The following RP1L1 variants were observed in gnomAD, a reference collection of about 807,000 sequenced individuals.
RP1L1 encodes retinitis pigmentosa 1-like 1 protein.
A neutral mutation model predicts 15.7 loss-of-function variants in RP1L1; 27 were observed. The observed-to-expected ratio is 1.72, with a 90% CI of 1.27 to 2.38. The LOEUF (loss-of-function observed/expected upper bound fraction) is 2.38, where lower values mean the gene tolerates loss of function less well. Among genes scored for constraint, RP1L1 ranks in the 30% most tolerant of loss-of-function variants. The pLI, the probability that RP1L1 is intolerant of heterozygous loss-of-function variation, is 0.00. For missense variants in RP1L1, 4,798 were observed against 3,075.9 expected, an observed-to-expected ratio of 1.56 and a Z score of -13.24; for synonymous variants, 1,813 against 1,276.7, an observed-to-expected ratio of 1.42 and a Z score of -8.96.
At chr8:10,616,930 G>T (rs2117214069) in intron 2 of RP1L1, among the ~76,000 whole-genome samples, 1 of 152,286 alleles carries the variant, frequency 6.6e-6, no homozygotes, top group Non-Finnish European at 1.5e-5. Flanking sequence ...TGTATTCCCT[G>T]AAGCAGCTGG....
At chr8:10,616,654 G>T (rs765550801) in intron 2 of RP1L1, 67 bp from the exon 3 acceptor site, 193 of 1,525,600 alleles carry the variant, frequency 1.3e-4, no homozygotes, top group Non-Finnish European at 1.6e-4. Context: ...GAGGCCTGGG[G>T]GAGGAAGGAT....
rs370486258 is a variant in RP1L1 at position 10,613,251 on chromosome 8, G to A, written c.847C>T (p.Pro283Ser). The change falls in exon 4 of 4, where the codon CCC (proline) becomes TCC (serine). Residue 283 changes from proline to serine, a missense_variant. Pro to Ser is a moderately conservative substitution (Grantham distance 74). Transcript: ENST00000382483. The stretch of plus-strand genomic sequence containing the variant: ...CTGCCAGGAGCAGGGCCCACCGGGG[G>A]GTTGCTAGGACCAGGCCTTTCTGGC... Reference protein sequence around the residue: ...RLPERPGPSNPPVGPAPGRHP... With the variant: ...RLPERPGPSNSPVGPAPGRHP... 2.5e-6 allele frequency: 4 copies of A among 1,611,566 alleles called. No homozygotes were observed. The South Asian group carries it at 3.3e-5, about 13-fold the overall frequency.
rs746788572 is a variant in RP1L1 at position 10,622,898 on chromosome 8, A to G, written c.304T>C (p.Tyr102His). 14 of 1,613,796 alleles carry G rather than the reference A, an allele frequency of 8.7e-6. No homozygotes were observed. Among genetic ancestry groups the G allele is most frequent in the Admixed American group, 1.7e-5 (1 of 60,000 alleles). The change falls in exon 2 of 4, where the codon TAC (tyrosine) becomes CAC (histidine). Residue 102 changes from tyrosine to histidine, a missense_variant. Transcript: ENST00000382483. ...ALEQLEDGGC[Y>H]LCSDKKPPKT... Reference sequence around the variant, plus strand: ...GGGGGCTTCTTATCAGAGCAGAGGTAGCAGCCTCCATCTTCCAGCTGCTCC... The same window carrying G: ...GGGGGCTTCTTATCAGAGCAGAGGTGGCAGCCTCCATCTTCCAGCTGCTCC...
rs574470413 is a variant in RP1L1, at chr8:10,610,801, G to A, written c.3297C>T (p.Ser1099=). Residue 1099 remains serine (S), a synonymous_variant, in exon 4 of 4, where the codon AGC becomes AGT. Transcript: ENST00000382483. Reference sequence around the variant, plus strand: ...CCATGGGCCTAGACACTTCGGGCACGCTGCTGGGCCGGCCCTGCTTGGAGC... The same window carrying A: ...CCATGGGCCTAGACACTTCGGGCACACTGCTGGGCCGGCCCTGCTTGGAGC... ...LMGSKQGRPS[S]VPEVSRPMAR... is the part of the protein sequence containing the mutation. 20 of 1,609,980 alleles carry A rather than the reference G, an allele frequency of 1.2e-5. No individual in the cohort carries two copies. The highest frequency in any genetic ancestry group is 8.8e-5 in the South Asian group (8 of 91,030).
intron 1 of RP1L1, among the ~76,000 whole-genome samples, chr8:10,653,856 C>G (rs934848971): frequency 4.6e-5 from 7 of 152,318 alleles, no homozygotes; most frequent in African/African-American, 7.2e-5. Flanking sequence ...TTCTCACTGT[C>G]TGAGATGCAT....
At chr8:10,644,835 G>C (rs4841402) in intron 1 of RP1L1, among the ~76,000 whole-genome samples, 24,985 of 152,182 alleles carry the variant, frequency 0.16, 2,232 homozygotes, top group Middle Eastern at 0.24. Context: ...CTAATGTACA[G>C]CCAGGGATGA....
intron 1 of RP1L1, among the ~76,000 whole-genome samples, chr8:10,641,149 T>A (rs757461098): frequency 4.6e-5 from 7 of 152,240 alleles, no homozygotes; most frequent in Non-Finnish European, 4.4e-5. Flanking sequence ...CATCCCATCA[T>A]GGGCCATGTT....
In RP1L1 at chr8:10,610,655, T is replaced by C. The variant is rs1384050615; in HGVS notation, c.3443A>G (p.Gln1148Arg). 2 of 1,612,208 alleles carry C rather than the reference T, an allele frequency of 1.2e-6. No individual in the cohort carries two copies. Among genetic ancestry groups the C allele is most frequent in the South Asian group, 2.2e-5 (2 of 90,912 alleles). Reference protein sequence around the residue: ...KVRFKDSPRYQELLSISKDLW... With the variant: ...KVRFKDSPRYRELLSISKDLW... ...GTCCTTCGAGATGCTGAGCAGCTCC[T>C]GGTACCGAGGGGAGTCTTTGAACCT... The change falls in exon 4 of 4, where the codon CAG becomes CGG. Residue 1148 changes from glutamine (Q) to arginine (R), a missense_variant. Physicochemically the swap from Gln to Arg is conservative, Grantham distance 43. Transcript: ENST00000382483.
At chr8:10,639,279 G>A (rs184331017) in intron 1 of RP1L1, among the ~76,000 whole-genome samples, 31 of 152,242 alleles carry the variant, frequency 2.0e-4, no homozygotes, top group African/African-American at 7.2e-4. Context: ...AAAGACACAG[G>A]ACAAACGAGC....
At chr8:10,626,025 A>G (rs1345013756) in intron 1 of RP1L1, among the ~76,000 whole-genome samples, 1 of 152,152 alleles carries the variant, frequency 6.6e-6, no homozygotes, top group Non-Finnish European at 1.5e-5. Flanking sequence ...CGGAGCAAGG[A>G]AAAACAGATT....
Position 10,607,311 on chromosome 8 carries a change from C to T in RP1L1, c.6787G>A (p.Glu2263Lys). Reference sequence around the variant, plus strand: ...GGGCTGCTGCTTTCAGAAGCCTCCTCAGATTGGCCATCTCCTAGACTGACC... The same window carrying T: ...GGGCTGCTGCTTTCAGAAGCCTCCTTAGATTGGCCATCTCCTAGACTGACC... ...PQVSLGDGQS[E>K]EASESSSPVP... Residue 2263 changes from glutamate (E) to lysine (K), a missense_variant, in exon 4 of 4, where the codon GAG becomes AAG. Coordinates refer to ENST00000382483, the MANE Select transcript of RP1L1 (RefSeq NM_178857.6). 6.2e-7 allele frequency: 1 copy of T among 1,614,208 alleles called. No homozygotes were observed. Among genetic ancestry groups the T allele is most frequent in the Middle Eastern group, 1.6e-4 (1 of 6,062 alleles).
At chr8:10,624,706 G>A (rs1381782159) in intron 1 of RP1L1, among the ~76,000 whole-genome samples, 1 of 152,208 alleles carries the variant, frequency 6.6e-6, no homozygotes, top group Non-Finnish European at 1.5e-5. Flanking sequence ...AGCTGCCATA[G>A]AGTCAGGGTG....
chr8:10,651,483 C>G (rs1798560391), intron 1 of RP1L1, among the ~76,000 whole-genome samples: 1 of 152,186 alleles, frequency 6.6e-6, no homozygotes, highest in South Asian at 2.1e-4. Context: ...AATCCCAGCA[C>G]TTTGGGAGGC....
At chr8:10,631,409 ACACACG>A (rs1798250023) in intron 1 of RP1L1, among the ~76,000 whole-genome samples, 1 of 149,620 alleles carries the variant, frequency 6.7e-6, no homozygotes, top group Non-Finnish European at 1.5e-5. Context: ...ACACACACGC[ACACACG>A]CACACACACA....
intron 1 of RP1L1, among the ~76,000 whole-genome samples, chr8:10,644,779 C>T (rs1798452881): frequency 6.6e-6 from 1 of 152,198 alleles, no homozygotes; most frequent in Admixed American, 6.5e-5. Context: ...GCAGAGAGGC[C>T]TATTTAACTC....
chr8:10,622,872 G>T lies in RP1L1; in HGVS notation c.330C>A (p.Pro110=). ...GCYLCSDKKP[P]KTPSGPGRPQ... ...GCCGGCCTGGTCCACTGGGGGTCTTGGGGGGCTTCTTATCAGAGCAGAGGT... is the reference window on the plus strand; with the variant it reads ...GCCGGCCTGGTCCACTGGGGGTCTTTGGGGGCTTCTTATCAGAGCAGAGGT... The change falls in exon 2 of 4, where the codon CCC becomes CCA. Residue 110 remains proline, a synonymous_variant. Coordinates refer to ENST00000382483, the MANE Select transcript of RP1L1 (RefSeq NM_178857.6). 1 of 1,613,170 alleles carries T rather than the reference G, an allele frequency of 6.2e-7. No individual in the cohort carries two copies. Among genetic ancestry groups the T allele is most frequent in the Non-Finnish European group, 8.5e-7 (1 of 1,179,474 alleles).
intron 2 of RP1L1, among the ~76,000 whole-genome samples, chr8:10,620,778 A>G (rs1798045588): frequency 6.6e-6 from 1 of 152,192 alleles, no homozygotes; most frequent in South Asian, 2.1e-4. Context: ...CTATTACACA[A>G]TGGGATAGGG....
chr8:10,619,414 T>C (rs1359842987), intron 2 of RP1L1, among the ~76,000 whole-genome samples: 4 of 152,192 alleles, frequency 2.6e-5, no homozygotes, highest in African/African-American at 9.7e-5. Context: ...GTACCCATCA[T>C]CTTCCCATTT....
rs201440296 is a variant in RP1L1, at chr8:10,610,407, G to T, written c.3691C>A (p.Pro1231Thr). The T allele has an allele frequency of 6.2e-7, 1 of 1,613,992 alleles. No individual in the cohort carries two copies. ...GTLVTQGTEL[P>T]LKTSNQRPDS... ...GGCCTCTGGTTGGAGGTTTTCAGGG[G>T]CAGCTCTGTCCCCTGTGTCACCAGG... The change falls in exon 4 of 4, where the codon CCC becomes ACC. Residue 1231 changes from proline (P) to threonine (T), a missense_variant. Transcript: ENST00000382483.
Sources: gnomAD v4.1 joint callset for allele counts (sites outside exome capture counted in the v4.1 genomes callset) on GRCh38, gnomAD v4.1.1 for gene constraint, MANE v1.5 for transcripts, NCBI Gene and HGNC (gene_info 2026-07-23, HGNC 2026-07-21) for gene names.